Variants in TSHZ2 observed in about 807,000 individuals in gnomAD.
TSHZ2 encodes teashirt homolog 2.
A neutral mutation model predicts 74.4 loss-of-function variants in TSHZ2; 21 were observed. The observed-to-expected ratio is 0.28, with a 90% CI of 0.20 to 0.41. The LOEUF (loss-of-function observed/expected upper bound fraction) is 0.41. Among genes scored for constraint, TSHZ2 ranks in the 10% least tolerant of loss-of-function variants. TSHZ2 has a pLI of 1.00. For missense variants in TSHZ2, 1,244 were observed against 1,293.5 expected (o/e 0.96, Z 0.59); for synonymous variants, 540 against 515.3 (o/e 1.05, Z -0.65).
At chr20:53,229,764 G>A (rs1346400198) in intron 1 of TSHZ2, among the ~76,000 whole-genome samples, 2 of 151,464 alleles carry the variant, frequency 1.3e-5, no homozygotes, top group Non-Finnish European at 2.9e-5. Flanking sequence ...AGAAAGGAGG[G>A]GGAAAGGAGG....
At chr20:52,986,539 G>T (rs1457899552) in intron 1 of TSHZ2, among the ~76,000 whole-genome samples, 1 of 151,974 alleles carries the variant, frequency 6.6e-6, no homozygotes, top group Admixed American at 6.6e-5. Flanking sequence ...GACCAGCCTG[G>T]CCAAGATGAT....
chr20:53,281,374 G>A (rs765098888), intron 2 of TSHZ2, among the ~76,000 whole-genome samples: 1 of 152,176 alleles, frequency 6.6e-6, no homozygotes, highest in South Asian at 2.1e-4. Flanking sequence ...GCATTATCTA[G>A]TACAGAGGTT....
At chr20:53,143,561 G>A (rs1395577053) in intron 1 of TSHZ2, among the ~76,000 whole-genome samples, 2 of 152,012 alleles carry the variant, frequency 1.3e-5, no homozygotes, top group African/African-American at 2.4e-5. Flanking sequence ...GCATGGTGGC[G>A]GGCACCTGTA....
intron 1 of TSHZ2, among the ~76,000 whole-genome samples, chr20:53,206,785 C>T (rs1211874375): frequency 6.6e-6 from 1 of 152,186 alleles, no homozygotes; most frequent in Non-Finnish European, 1.5e-5. Context: ...TGGAAAGATT[C>T]ATTTTCTTGT....
intron 1 of TSHZ2, among the ~76,000 whole-genome samples, chr20:53,094,506 T>C (rs966522551): frequency 2.0e-5 from 3 of 152,108 alleles, no homozygotes; most frequent in African/African-American, 7.2e-5. Context: ...GTTAGAACAT[T>C]TTCCCCTCCA....
At chr20:53,126,661 G>A (rs566129487) in intron 1 of TSHZ2, among the ~76,000 whole-genome samples, 81 of 152,256 alleles carry the variant, frequency 5.3e-4, no homozygotes, top group African/African-American at 1.6e-3. Flanking sequence ...AGCTGGCAGG[G>A]TTAGTAACAG....
intron 1 of TSHZ2, among the ~76,000 whole-genome samples, chr20:53,036,396 T>A (rs1983818336): frequency 6.6e-6 from 1 of 152,026 alleles, no homozygotes; most frequent in Admixed American, 6.6e-5. Context: ...AATTTACATT[T>A]TGAATGTACC....
rs1986324513 is a variant in TSHZ2, at chr20:53,487,543, G to C, written c.*408G>C. The C allele has an allele frequency of 1.3e-5, 2 of 152,092 alleles. No homozygotes were observed. The highest frequency in any genetic ancestry group is 4.8e-5 in the African/African-American group (2 of 41,422). 9.4% of individuals were successfully genotyped at this position (152,092 alleles called of 1,614,324 possible). A position where few individuals can be genotyped will look rare whatever the true frequency, so the allele number is the denominator to read the frequency against. On this transcript the variant is annotated 3_prime_UTR_variant, in exon 3 of 3. Transcript: ENST00000371497. ...GTGGGGGGGAGTCTAAGTCTTCATA[G>C]TCTAATGTCCAAGTGGGTTGCACTA...
At chr20:53,425,179 C>T (rs2145723549) in intron 2 of TSHZ2, among the ~76,000 whole-genome samples, 1 of 152,330 alleles carries the variant, frequency 6.6e-6, no homozygotes, top group South Asian at 2.1e-4. Flanking sequence ...TCTATCCCTG[C>T]ATGTGAGTTC....
At chr20:53,021,473 C>A (rs372229517) in intron 1 of TSHZ2, among the ~76,000 whole-genome samples, 1 of 152,282 alleles carries the variant, frequency 6.6e-6, no homozygotes, top group South Asian at 2.1e-4. Context: ...ATTGGGTTTG[C>A]CTTCTTTCTT....
chr20:53,205,023 A>C (rs1236621926), intron 1 of TSHZ2, among the ~76,000 whole-genome samples: 2 of 151,658 alleles, frequency 1.3e-5, no homozygotes, highest in Admixed American at 6.6e-5. Flanking sequence ...CCCGGGAGGC[A>C]GAGGTTGCAG....
chr20:53,437,801 ACAC>A (rs1238465501), intron 2 of TSHZ2, among the ~76,000 whole-genome samples: 2 of 152,186 alleles, frequency 1.3e-5, no homozygotes, highest in African/African-American at 4.8e-5. Flanking sequence ...CTGTTGGTTC[ACAC>A]CACGGCTGAC....
intron 2 of TSHZ2, among the ~76,000 whole-genome samples, chr20:53,334,323 AAGGAGTCATCTG>A (rs893290815): frequency 2.0e-5 from 3 of 152,158 alleles, no homozygotes; most frequent in Non-Finnish European, 4.4e-5. Context: ...CTCACTGTGA[AAGGAGTCATCTG>A]AGCTAAGGTC....
intron 1 of TSHZ2, among the ~76,000 whole-genome samples, chr20:53,009,795 T>A (rs1982783194): frequency 6.6e-6 from 1 of 152,168 alleles, no homozygotes; most frequent in African/African-American, 2.4e-5. Flanking sequence ...GGCAGACCCT[T>A]GGACCAACCA....
intron 1 of TSHZ2, among the ~76,000 whole-genome samples, chr20:53,054,323 T>C (rs921181888): frequency 6.6e-6 from 1 of 152,228 alleles, no homozygotes. Context: ...CAGTTTTCAA[T>C]TGATGCTTGG....
At chr20:53,346,439 A>G (rs1473661326) in intron 2 of TSHZ2, among the ~76,000 whole-genome samples, 3 of 152,198 alleles carry the variant, frequency 2.0e-5, no homozygotes, top group Admixed American at 1.3e-4. Flanking sequence ...CTTTCCAGAG[A>G]CGGCTTGTCT....
At chr20:53,006,949 A>G (rs1009475962) in intron 1 of TSHZ2, among the ~76,000 whole-genome samples, 1 of 152,166 alleles carries the variant, frequency 6.6e-6, no homozygotes, top group African/African-American at 2.4e-5. Flanking sequence ...ATATCAGTAT[A>G]AATATTTGAG....
At chr20:53,370,858 C>T (rs1235646393) in intron 2 of TSHZ2, among the ~76,000 whole-genome samples, 1 of 152,202 alleles carries the variant, frequency 6.6e-6, no homozygotes, top group African/African-American at 2.4e-5. Context: ...GCTGCTATAA[C>T]AAATTACTAC....
intron 1 of TSHZ2, among the ~76,000 whole-genome samples, chr20:53,102,813 A>G (rs528463722): frequency 2.0e-5 from 3 of 152,178 alleles, no homozygotes; most frequent in African/African-American, 7.2e-5. Flanking sequence ...TGTTTTTCAA[A>G]TTGTGGATCA....
Sources: allele counts gnomAD v4.1 joint callset (sites outside exome capture counted in the v4.1 genomes callset), GRCh38; gene constraint gnomAD v4.1.1; transcripts MANE v1.5; gene names NCBI Gene and HGNC (gene_info 2026-07-23, HGNC 2026-07-21).